Variants in SRGAP3 observed in about 807,000 individuals in gnomAD.
SRGAP3 encodes the protein SLIT-ROBO Rho GTPase activating protein 3.
Under a neutral mutation model 121.1 loss-of-function variants are expected in SRGAP3, and 39 were observed. The observed-to-expected ratio is 0.32, with a 90% CI of 0.25 to 0.42. The LOEUF is 0.42. SRGAP3 is among the 10% of genes least tolerant of loss of function. The pLI is 1.00. For missense variants in SRGAP3, 1,213 were observed against 1,470.6 expected (o/e 0.82, Z 2.86); for synonymous variants, 601 against 570.0 (o/e 1.05, Z -0.77).
At chr3:9,281,487 C>A (rs1467738228) in intron 3 of SRGAP3, among the ~76,000 whole-genome samples, 2 of 152,100 alleles carry the variant, frequency 1.3e-5, no homozygotes, top group Admixed American at 6.5e-5. Context: ...AGACTCTGGG[C>A]AAGTCACTCA....
At chr3:9,162,246 C>T (rs1015722034) in intron 1 of SRGAP3, among the ~76,000 whole-genome samples, 2 of 152,114 alleles carry the variant, frequency 1.3e-5, no homozygotes, top group East Asian at 1.9e-4. Context: ...TTTGAATGTA[C>T]TTAATGCCAC....
intron 1 of SRGAP3, among the ~76,000 whole-genome samples, chr3:9,242,957 C>A (rs6775756): frequency 3.3e-5 from 5 of 151,946 alleles, no homozygotes; most frequent in Non-Finnish European, 7.4e-5. Context: ...AGTGCTGGGA[C>A]TACAGACATG....
At chr3:9,195,946 AC>A (rs1951902319) in intron 1 of SRGAP3, among the ~76,000 whole-genome samples, 1 of 152,096 alleles carries the variant, frequency 6.6e-6, no homozygotes, top group African/African-American at 2.4e-5. Context: ...ATAGAGCAAG[AC>A]CCTGTCTCCA....
chr3:9,314,657 C>T (rs1384108381), intron 3 of SRGAP3, among the ~76,000 whole-genome samples: 1 of 151,952 alleles, frequency 6.6e-6, no homozygotes, highest in Non-Finnish European at 1.5e-5. Context: ...CCCACCCTGC[C>T]CTCCTCTCTC....
rs1216291355 is a variant in SRGAP3, at chr3:8,990,759, C to G, written c.2639G>C (p.Gly880Ala). 6.2e-7 allele frequency: 1 copy of G among 1,606,576 alleles called. No homozygotes were observed. Among genetic ancestry groups the G allele is most frequent in the Non-Finnish European group, 8.5e-7 (1 of 1,176,532 alleles). The change falls in exon 21 of 22, where the codon GGC becomes GCC. Residue 880 changes from glycine to alanine, a missense_variant. By Grantham distance (60) the Gly-to-Ala change is moderately conservative. Transcript: ENST00000383836. ...CCGGGGTGGTGTGTCTATGCTGGGG[C>G]CCAGGCCCCGGGGCGGGCTGTGTGT... ...GDTHSPPRGL[G>A]PSIDTPPRAA...
chr3:9,009,837 TG>T (rs1178853822), intron 18 of SRGAP3, among the ~76,000 whole-genome samples: 1 of 152,178 alleles, frequency 6.6e-6, no homozygotes, highest in Non-Finnish European at 1.5e-5. Flanking sequence ...ATTATCGCTT[TG>T]CACCATGAGA....
At chr3:9,098,184 G>A (rs746219491) in intron 3 of SRGAP3, among the ~76,000 whole-genome samples, 5 of 152,090 alleles carry the variant, frequency 3.3e-5, no homozygotes, top group Admixed American at 6.5e-5. Flanking sequence ...ATGAGTTACC[G>A]CTTCACACCT....
intron 1 of SRGAP3, among the ~76,000 whole-genome samples, chr3:9,178,226 C>A (rs920095521): frequency 3.9e-5 from 6 of 152,066 alleles, no homozygotes; most frequent in African/African-American, 1.4e-4. Flanking sequence ...TGAGATCATG[C>A]CACTGCACTC....
At chr3:9,087,034 T>C (rs979503093) in intron 3 of SRGAP3, among the ~76,000 whole-genome samples, 1 of 151,544 alleles carries the variant, frequency 6.6e-6, no homozygotes, top group Non-Finnish European at 1.5e-5. Flanking sequence ...ACGTATATTA[T>C]GTATGCATAT....
intron 1 of SRGAP3, among the ~76,000 whole-genome samples, chr3:9,345,934 G>A (rs1955883200): frequency 6.6e-6 from 1 of 152,178 alleles, no homozygotes; most frequent in African/African-American, 2.4e-5. Context: ...GAACCAAGAA[G>A]AGATTTTTAA....
At chr3:9,056,614 G>A (rs1482752142) in intron 7 of SRGAP3, among the ~76,000 whole-genome samples, 10 of 152,204 alleles carry the variant, frequency 6.6e-5, no homozygotes, top group African/African-American at 2.4e-4. Flanking sequence ...GGTTTACAAA[G>A]AGCCTTAATT....
intron 1 of SRGAP3, among the ~76,000 whole-genome samples, chr3:9,236,564 A>T (rs1453022584): frequency 6.6e-6 from 1 of 151,878 alleles, no homozygotes; most frequent in East Asian, 1.9e-4. Flanking sequence ...TGGTTGTTTA[A>T]AAGTGTGTGG....
rs140603979 is a variant in SRGAP3 at position 9,015,973 on chromosome 3, C to T, written c.1679-242G>A. ...AATAATGAACGCCCATCACCCTTCG[C>T]TTACAACTCATCTTGCCACATTTGA... is the stretch of plus-strand genomic sequence containing the variant. On this transcript the variant is annotated intron_variant, in intron 14 of 21. Transcript: ENST00000383836. 307 of 542,744 alleles carry T rather than the reference C, an allele frequency of 5.7e-4. 2 individuals carry two copies. The highest frequency in any genetic ancestry group is 3.9e-3 in the African/African-American group (207 of 52,918). The allele number at this position is 542,744 out of a possible 1,614,324, so 33.6% of individuals were successfully genotyped here.
chr3:9,255,342 G>A (rs139287978), intron 3 of SRGAP3, among the ~76,000 whole-genome samples: 6 of 152,244 alleles, frequency 3.9e-5, no homozygotes, highest in African/African-American at 1.4e-4. Context: ...CTGGAAACAC[G>A]GGCTCTAACA....
intron 18 of SRGAP3, among the ~76,000 whole-genome samples, chr3:9,001,102 G>C (rs1942734028): frequency 6.6e-6 from 1 of 152,180 alleles, no homozygotes; most frequent in African/African-American, 2.4e-5. Flanking sequence ...AGGGGATATG[G>C]GGAGCAATTG....
chr3:9,227,949 G>A (rs189556575), intron 1 of SRGAP3, among the ~76,000 whole-genome samples: 1 of 152,298 alleles, frequency 6.6e-6, no homozygotes, highest in Admixed American at 6.5e-5. Flanking sequence ...AAGTTTGAAA[G>A]GATGATGGTA....
At chr3:9,146,508 G>A (rs1030260207) in intron 1 of SRGAP3, among the ~76,000 whole-genome samples, 1 of 152,232 alleles carries the variant, frequency 6.6e-6, no homozygotes, top group Non-Finnish European at 1.5e-5. Flanking sequence ...GGGAGAAGAA[G>A]TGGCCTCTAA....
At chr3:9,210,319 G>A (rs1368134046) in intron 1 of SRGAP3, among the ~76,000 whole-genome samples, 1 of 152,166 alleles carries the variant, frequency 6.6e-6, no homozygotes, top group Admixed American at 6.5e-5. Context: ...CATTTCAGTA[G>A]AACAACTTTT....
intron 1 of SRGAP3, among the ~76,000 whole-genome samples, chr3:9,343,870 T>C (rs946391547): frequency 2.6e-5 from 4 of 152,210 alleles, no homozygotes; most frequent in Non-Finnish European, 5.9e-5. Flanking sequence ...GGTTTTGCCA[T>C]GTTGCCCAGG....
Sources: gnomAD v4.1 joint callset for allele counts (sites outside exome capture counted in the v4.1 genomes callset) on GRCh38, gnomAD v4.1.1 for gene constraint, MANE v1.5 for transcripts, NCBI Gene and HGNC (gene_info 2026-07-23, HGNC 2026-07-21) for gene names.